Variants in HDAC4 observed in about 807,000 individuals in gnomAD.
The protein encoded by HDAC4 is histone deacetylase A.
In HDAC4, 16 loss-of-function variants were observed where a neutral mutation model predicts 135.1. That is an observed-to-expected ratio of 0.12 (90% CI 0.08 to 0.18). HDAC4 has a LOEUF of 0.18. Ranked by LOEUF, HDAC4 falls within the 10% of genes least tolerant of loss-of-function variation. The pLI is 1.00. For missense variants in HDAC4, 1,143 were observed against 1,511.8 expected, an observed-to-expected ratio of 0.76 and a Z score of 4.05; for synonymous variants, 685 against 653.4, an observed-to-expected ratio of 1.05 and a Z score of -0.74.
At chr2:239,080,215 G>A (rs551635908) in intron 22 of HDAC4, among the ~76,000 whole-genome samples, 96 of 152,296 alleles carry the variant, frequency 6.3e-4, no homozygotes, top group African/African-American at 2.0e-3. Context: ...ACAAAGACAC[G>A]TCTGCACACG....
rs1026164153 is a variant in HDAC4 at position 239,170,255 on chromosome 2, C to T, written c.490+6158G>A. 5.3e-5 allele frequency among the ~76,000 whole-genome samples: 8 copies of T among 152,126 alleles called. No individual in the cohort carries two copies. The South Asian group carries it at 1.7e-3, about 31-fold the overall frequency. ...ATAAAAATGTACAACATAATATAGG[C>T]ATAATAATACAGTTTAGATTATATC... On this transcript the variant is annotated intron_variant, in intron 5 of 26. Coordinates refer to ENST00000543185, the MANE Select transcript of HDAC4 (RefSeq NM_001378414.1).
chr2:239,163,407 A>G (rs942565255), intron 6 of HDAC4, among the ~76,000 whole-genome samples: 4 of 152,012 alleles, frequency 2.6e-5, no homozygotes, highest in African/African-American at 9.7e-5. Flanking sequence ...AGGGGGGCCC[A>G]CTCCCATGAG....
chr2:239,257,525 G>A (rs965775303), intron 2 of HDAC4, among the ~76,000 whole-genome samples: 1 of 152,092 alleles, frequency 6.6e-6, no homozygotes, highest in African/African-American at 2.4e-5. Context: ...AGAACTCCAG[G>A]GACTGACAGG....
intron 2 of HDAC4, among the ~76,000 whole-genome samples, chr2:239,323,479 T>A (rs2053378701): frequency 1.3e-5 from 2 of 152,228 alleles, no homozygotes; most frequent in Admixed American, 1.3e-4. Context: ...TTTTCCCATT[T>A]ATTTAATAAA....
At chr2:239,100,203 T>C (rs1353179205) in intron 16 of HDAC4, among the ~76,000 whole-genome samples, 1 of 152,220 alleles carries the variant, frequency 6.6e-6, no homozygotes, top group East Asian at 1.9e-4. Flanking sequence ...AGACACCTCC[T>C]CCTGGCCTCT....
chr2:239,114,431 C>T (rs559639535), intron 13 of HDAC4, among the ~76,000 whole-genome samples: 1 of 152,206 alleles, frequency 6.6e-6, no homozygotes, highest in Admixed American at 6.5e-5. Context: ...ATACGGGGCT[C>T]CAGCTGGCTG....
rs1358655900 is a variant in HDAC4 at position 239,167,954 on chromosome 2, T to C, written c.491-4031A>G. 2.8e-4 allele frequency among the ~76,000 whole-genome samples: 1 copy of C among 3,522 alleles called. No individual in the cohort carries two copies. The highest frequency in any genetic ancestry group is 1.8e-3 in the African/African-American group (1 of 562). 2.3% of individuals were successfully genotyped at this position (3,522 alleles called of 152,430 possible). A position where few individuals can be genotyped will look rare whatever the true frequency, so the allele number is the denominator to read the frequency against. ...GAGAGAGGAGGACAGCAGCTCTGGG[T>C]GGGGCGGGGCGGGGCAGGTGGGGAG... is the stretch of plus-strand genomic sequence containing the variant. On this transcript the variant is annotated intron_variant, in intron 5 of 26. Transcript: ENST00000543185. The surrounding 1 kb of genome is among the most constrained non-coding windows in gnomAD (Gnocchi z 4.1).
intron 3 of HDAC4, among the ~76,000 whole-genome samples, chr2:239,236,201 C>T (rs572488271): frequency 5.4e-4 from 82 of 152,310 alleles, no homozygotes; most frequent in African/African-American, 1.9e-3. Flanking sequence ...GGAAAAGGCG[C>T]GGTCTGTCCA....
At position 239,255,254 on chromosome 2, in the gene HDAC4, T is replaced by C. The variant is rs1221046944; in HGVS notation, c.23-18590A>G. The stretch of plus-strand genomic sequence containing the variant: ...ACTGAATATTCAATTAATACAAAGG[T>C]TCATACAGATACCGAGACTATGTGT... On this transcript the variant is annotated intron_variant, in intron 2 of 26. Transcript: ENST00000543185. Among the ~76,000 whole-genome samples, 4 of 152,156 alleles carry C rather than the reference T, an allele frequency of 2.6e-5. No individual in the cohort carries two copies. In the East Asian group the frequency reaches 7.7e-4, roughly 29 times the overall value.
intron 2 of HDAC4, among the ~76,000 whole-genome samples, chr2:239,276,136 C>T (rs370918073): frequency 5.3e-5 from 8 of 152,306 alleles, no homozygotes; most frequent in African/African-American, 1.9e-4. Flanking sequence ...CAGACACCGA[C>T]CCCCACGCCA....
chr2:239,160,634 G>A (rs1415071949), intron 6 of HDAC4, among the ~76,000 whole-genome samples: 6 of 152,228 alleles, frequency 3.9e-5, no homozygotes, highest in Middle Eastern at 3.2e-3. Context: ...TGCTGCAGGC[G>A]CCAGCGGTCC....
In HDAC4 at chr2:239,236,623, G is replaced by A; in HGVS notation, c.64C>T (p.Pro22Ser). The change falls in exon 3 of 27, where the codon CCT (proline) becomes TCT (serine). Residue 22 changes from proline (P) to serine (S), a missense_variant. Pro to Ser is a moderately conservative substitution (Grantham distance 74, BLOSUM62 -1). Transcript: ENST00000543185. The stretch of plus-strand genomic sequence containing the variant: ...CTGGGCATGTGGTTCACGCGGGCAG[G>A]ATTCAGCAGCTCCACTGGCTGGTCT... ...GRDQPVELLN[P>S]ARVNHMPSTV... 2 of 1,551,786 alleles carry A rather than the reference G, an allele frequency of 1.3e-6. No homozygotes were observed. Among genetic ancestry groups the A allele is most frequent in the Non-Finnish European group, 1.7e-6 (2 of 1,146,996 alleles).
intron 2 of HDAC4, among the ~76,000 whole-genome samples, chr2:239,251,611 A>G (rs1252323918): frequency 6.6e-6 from 1 of 152,102 alleles, no homozygotes; most frequent in Non-Finnish European, 1.5e-5. Context: ...TCCATTCTCC[A>G]CACACTGGCC....
At chr2:239,228,088 C>T (rs766448930) in intron 3 of HDAC4, among the ~76,000 whole-genome samples, 1 of 152,156 alleles carries the variant, frequency 6.6e-6, no homozygotes, top group East Asian at 1.9e-4. Context: ...GGCAGAGCCA[C>T]GAACCTGGGG....
chr2:239,369,291 T>G (rs375965032), intron 1 of HDAC4, among the ~76,000 whole-genome samples: 1 of 152,104 alleles, frequency 6.6e-6, no homozygotes, highest in Non-Finnish European at 1.5e-5. Context: ...TAAATGGACG[T>G]CTGGACCAAG....
chr2:239,394,467 C>T (rs1696434875), intron 1 of HDAC4, among the ~76,000 whole-genome samples: 1 of 152,234 alleles, frequency 6.6e-6, no homozygotes, highest in Non-Finnish European at 1.5e-5. Context: ...GGCGAAGCGG[C>T]TGGAGAACAA....
chr2:239,056,834 C>T (rs2031925818), intron 24 of HDAC4, among the ~76,000 whole-genome samples: 2 of 152,234 alleles, frequency 1.3e-5, no homozygotes, highest in Admixed American at 6.5e-5. Context: ...GCTGGCAGCA[C>T]ATCTGACAAG....
At chr2:239,178,385 C>T (rs974231090) in intron 4 of HDAC4, among the ~76,000 whole-genome samples, 1 of 152,120 alleles carries the variant, frequency 6.6e-6, no homozygotes, top group Admixed American at 6.5e-5. Context: ...ATCCTCCTAC[C>T]TCAGACTCCC....
chr2:239,172,512 T>C (rs183555343), intron 5 of HDAC4, among the ~76,000 whole-genome samples: 1 of 152,160 alleles, frequency 6.6e-6, no homozygotes, highest in East Asian at 1.9e-4. Flanking sequence ...TAAAGTTGCA[T>C]TTAGAGGAAA....
Sources: gnomAD v4.1 joint callset for allele counts (sites outside exome capture counted in the v4.1 genomes callset) on GRCh38, gnomAD v4.1.1 for gene constraint, Gnocchi (gnomAD v3.1) non-coding constraint, MANE v1.5 for transcripts, NCBI Gene and HGNC (gene_info 2026-07-23, HGNC 2026-07-21) for gene names.